The following CLIC6 variants were observed in gnomAD, a reference collection of about 807,000 sequenced individuals.
CLIC6 encodes the protein chloride intracellular channel protein 6.
CLIC6 carries 39 observed loss-of-function variants against 49.2 expected under a neutral mutation model. The observed-to-expected ratio is 0.79, with a 90% CI of 0.61 to 1.04. The LOEUF is 1.04. Among genes scored for constraint, CLIC6 ranks in the 50% least tolerant of loss-of-function variants. The probability of loss-of-function intolerance (pLI) is 0.00; values close to 1 mark genes in which losing one functional copy is unlikely to be tolerated. For missense variants in CLIC6, 988 were observed against 993.1 expected, an observed-to-expected ratio of 0.99 and a Z score of 0.07; for synonymous variants, 446 against 433.4, an observed-to-expected ratio of 1.03 and a Z score of -0.36.
intron 5 of CLIC6, among the ~76,000 whole-genome samples, chr21:34,714,225 C>T (rs1030925670): frequency 6.6e-6 from 1 of 152,126 alleles, no homozygotes; most frequent in Non-Finnish European, 1.5e-5. Context: ...GAAACTAGTC[C>T]TAAGACCAAA....
chr21:34,707,937 C>T lies in CLIC6; in HGVS notation c.1485-7C>T. 1 of 1,613,876 alleles carries T rather than the reference C, an allele frequency of 6.2e-7. No homozygotes were observed. The highest frequency in any genetic ancestry group is 8.5e-7 in the Non-Finnish European group (1 of 1,179,860). On this transcript the variant is annotated splice_polypyrimidine_tract_variant and splice_region_variant and intron_variant, in intron 2 of 5. Coordinates refer to ENST00000349499, the MANE Select transcript of CLIC6 (RefSeq NM_053277.3). ...GCCCATAAACACTGCTGTTTCCTCC[C>T]ACCTAGGAAACCCGCAGACCTGCAG...
chr21:34,688,471 A>G (rs1295772866), intron 1 of CLIC6, among the ~76,000 whole-genome samples: 1 of 152,222 alleles, frequency 6.6e-6, no homozygotes. Context: ...AGAAGCAGAG[A>G]CGCCTTACAG....
At chr21:34,712,724 T>C (rs2056064658) in intron 5 of CLIC6, among the ~76,000 whole-genome samples, 3 of 152,212 alleles carry the variant, frequency 2.0e-5, no homozygotes, top group Admixed American at 6.6e-5. Flanking sequence ...TTTTGCATTG[T>C]GACTGCTGAG....
intron 1 of CLIC6, among the ~76,000 whole-genome samples, chr21:34,678,147 T>TA (rs11406099): frequency 1 from 152,246 of 152,246 alleles, 76,123 homozygotes; most frequent in Non-Finnish European, 1. Flanking sequence ...AGAAAAAGTT[T>TA]CTGGCTGGGT....
intron 1 of CLIC6, among the ~76,000 whole-genome samples, chr21:34,690,381 T>G (rs1176743893): frequency 6.6e-6 from 1 of 152,250 alleles, no homozygotes; most frequent in Non-Finnish European, 1.5e-5. Context: ...CAAGTTATTC[T>G]CTGTAGAGAA....
intron 1 of CLIC6, among the ~76,000 whole-genome samples, chr21:34,688,068 A>C (rs966203246): frequency 6.6e-6 from 1 of 151,226 alleles, no homozygotes; most frequent in South Asian, 2.1e-4. Flanking sequence ...ATTTATTTAC[A>C]AAAAAAAATT....
At chr21:34,704,264 G>A (rs770726252) in intron 1 of CLIC6, among the ~76,000 whole-genome samples, 4 of 152,132 alleles carry the variant, frequency 2.6e-5, no homozygotes, top group East Asian at 1.9e-4. Flanking sequence ...TGGAGATGGC[G>A]TATCTTCGCC....
intron 1 of CLIC6, among the ~76,000 whole-genome samples, chr21:34,678,535 T>C (rs965308771): frequency 6.6e-6 from 1 of 152,114 alleles, no homozygotes; most frequent in Non-Finnish European, 1.5e-5. Context: ...GAGTTCGATT[T>C]AGAAGGAAAA....
chr21:34,670,347 G>A lies in CLIC6; in HGVS notation c.959G>A (p.Gly320Glu). Residue 320 changes from glycine (G) to glutamate (E), a missense_variant, in exon 1 of 6, where the codon GGG becomes GAG. By Grantham distance (98) the Gly-to-Glu change is moderately conservative. Around this residue, in one of 3 missense-constraint regions of CLIC6, gnomAD observed 647 missense variants for 596.9 expected, o/e 1.08. Transcript: ENST00000349499. Reference protein sequence around the residue: ...AIEVAAGESAGRSPGELAWDA... With the variant: ...AIEVAAGESAERSPGELAWDA... ...GAGGTCGCAGCCGGGGAGAGTGCGGGGCGCAGCCCCGGTGAGCTCGCCTGG... is the reference window on the plus strand; with the variant it reads ...GAGGTCGCAGCCGGGGAGAGTGCGGAGCGCAGCCCCGGTGAGCTCGCCTGG... 2 of 1,451,148 alleles carry A rather than the reference G, an allele frequency of 1.4e-6. No homozygotes were observed. The highest frequency in any genetic ancestry group is 1.4e-5 in the South Asian group (1 of 69,080). The allele number at this position is 1,451,148 out of a possible 1,614,324, so 89.9% of individuals were successfully genotyped here. A position where few individuals can be genotyped will look rare whatever the true frequency, so the allele number is the denominator to read the frequency against.
intron 1 of CLIC6, among the ~76,000 whole-genome samples, chr21:34,679,744 G>A (rs551611326): frequency 1.3e-5 from 2 of 152,298 alleles, no homozygotes; most frequent in South Asian, 4.1e-4. Context: ...AATTCCACAG[G>A]GCAGTCATTA....
In CLIC6 at chr21:34,669,711, T is replaced by C; in HGVS notation, c.323T>C (p.Val108Ala). 1 of 1,333,878 alleles carries C rather than the reference T, an allele frequency of 7.5e-7. No homozygotes were observed. Among genetic ancestry groups the C allele is most frequent in the Non-Finnish European group, 9.5e-7 (1 of 1,048,238 alleles). 82.6% of individuals were successfully genotyped at this position (1,333,878 alleles called of 1,614,324 possible). The change falls in exon 1 of 6, where the codon GTG (valine) becomes GCG (alanine). Residue 108 changes from valine (V) to alanine (A), a missense_variant. This residue lies in a region of CLIC6 where 284 missense variants were observed against 278.6 expected (regional missense o/e 1.02). Transcript: ENST00000349499. ...GAGGAGACAAGCGGCGCGCAGCAGG[T>C]GGAGGGGGCGAGCCCGGGACGCGGC... Reference protein sequence around the residue: ...GGEETSGAQQVEGASPGRGAQ... With the variant: ...GGEETSGAQQAEGASPGRGAQ...
chr21:34,675,240 C>T (rs1398011031), intron 1 of CLIC6, among the ~76,000 whole-genome samples: 1 of 149,660 alleles, frequency 6.7e-6, no homozygotes, highest in East Asian at 2.0e-4. Flanking sequence ...CAGAAATGAG[C>T]CCCCGCCCCT....
intron 5 of CLIC6, among the ~76,000 whole-genome samples, 183 bp downstream of exon 5, chr21:34,709,721 G>T (rs1443847631): frequency 6.6e-6 from 1 of 152,224 alleles, no homozygotes; most frequent in African/African-American, 2.4e-5. Context: ...TGGGCTTCGG[G>T]TGTTCTCAGA....
chr21:34,706,221 C>A (rs761163235), intron 1 of CLIC6: 12 of 509,660 alleles, frequency 2.4e-5, no homozygotes, highest in African/African-American at 7.7e-5. Flanking sequence ...GGGGAGCAGG[C>A]ACGTCACATG....
At chr21:34,711,213 A>G (rs2056054203) in intron 5 of CLIC6, among the ~76,000 whole-genome samples, 1 of 152,158 alleles carries the variant, frequency 6.6e-6, no homozygotes, top group African/African-American at 2.4e-5. Flanking sequence ...TTGTTCTAAT[A>G]ACACATTTAG....
intron 1 of CLIC6, among the ~76,000 whole-genome samples, chr21:34,674,697 A>G (rs1275879757): frequency 6.6e-6 from 1 of 152,248 alleles, no homozygotes. Context: ...GTTTTCTCAA[A>G]GAAGTGTTAA....
intron 1 of CLIC6, among the ~76,000 whole-genome samples, chr21:34,671,920 C>T (rs1989574630): frequency 6.6e-6 from 1 of 152,030 alleles, no homozygotes; most frequent in Non-Finnish European, 1.5e-5. Flanking sequence ...TTTTCAAGAC[C>T]CTGGGACATA....
At chr21:34,687,144 T>A (rs1989898357) in intron 1 of CLIC6, among the ~76,000 whole-genome samples, 1 of 152,032 alleles carries the variant, frequency 6.6e-6, no homozygotes, top group South Asian at 2.1e-4. Context: ...CAGGGCCAGA[T>A]GGGAGGTGTG....
intron 2 of CLIC6, 124 bp downstream of exon 2, chr21:34,707,513 G>A (rs1216794707): frequency 1.4e-6 from 1 of 699,138 alleles, no homozygotes; most frequent in Non-Finnish European, 2.5e-6. Context: ...TCCTCAGTCG[G>A]AGTCTGAACT....
Sources: gnomAD v4.1 joint callset for allele counts (sites outside exome capture counted in the v4.1 genomes callset) on GRCh38, gnomAD v4.1.1 for gene constraint, gnomAD v4.1.1 regional missense constraint, MANE v1.5 for transcripts, NCBI Gene and HGNC (gene_info 2026-07-23, HGNC 2026-07-21) for gene names.